The following METTL22 variants were observed in gnomAD, a reference collection of about 807,000 sequenced individuals.
METTL22 encodes the protein methyltransferase 22, Kin17 lysine.
METTL22 carries 51 observed loss-of-function variants against 48.4 expected under a neutral mutation model. The observed-to-expected ratio is 1.05, with a 90% CI of 0.84 to 1.33. METTL22 has a LOEUF of 1.33. Among genes scored for constraint, METTL22 ranks in the 40% most tolerant of loss-of-function variants. The probability of loss-of-function intolerance (pLI) is 0.00; values close to 1 mark genes in which losing one functional copy is unlikely to be tolerated. For missense variants in METTL22, 678 were observed against 526.9 expected (o/e 1.29, Z -2.81); for synonymous variants, 255 against 214.1 (o/e 1.19, Z -1.67).
chr16:8,640,961 G>GCTGT (rs2056593764), intron 6 of METTL22, among the ~76,000 whole-genome samples, 170 bp from the exon 7 acceptor site: 1 of 94,180 alleles, frequency 1.1e-5, no homozygotes, highest in Non-Finnish European at 2.4e-5. Flanking sequence ...TGGATGGCTG[G>GCTGT]CTGGCTGGCT....
the METTL22 span, among the ~76,000 whole-genome samples, chr16:8,655,260 A>G: frequency 6.6e-6 from 1 of 152,216 alleles, no homozygotes; most frequent in Non-Finnish European, 1.5e-5. Context: ...CTGTGGTCTC[A>G]TCTGAAGGTT....
intron 6 of METTL22, among the ~76,000 whole-genome samples, chr16:8,639,862 C>G (rs1226176764): frequency 6.6e-6 from 1 of 152,098 alleles, no homozygotes; most frequent in Non-Finnish European, 1.5e-5. Context: ...TCTTGGGGAT[C>G]TGGCCCCTGT....
At chr16:8,660,851 GA>G in the METTL22 span, among the ~76,000 whole-genome samples, 1 of 20,176 alleles carries the variant, frequency 5.0e-5, no homozygotes. Context: ...GGAGGAGGGG[GA>G]GGAGGAAGAG....
At chr16:8,661,514 C>T in the METTL22 span, among the ~76,000 whole-genome samples, 7 of 141,118 alleles carry the variant, frequency 5.0e-5, no homozygotes, top group Non-Finnish European at 6.2e-5. Flanking sequence ...GGCGTGGTGG[C>T]GGGCGCCTGT....
the METTL22 span, among the ~76,000 whole-genome samples, chr16:8,664,490 G>A: frequency 6.6e-6 from 1 of 151,668 alleles, no homozygotes; most frequent in South Asian, 2.1e-4. Context: ...GTCTTGCTCT[G>A]CCACCCAGCC....
intron 9 of METTL22, chr16:8,642,794 G>A: frequency 1.7e-6 from 1 of 594,880 alleles, no homozygotes; most frequent in Non-Finnish European, 3.0e-6. Context: ...AAGAGAGGAA[G>A]GCTGGGAAGC....
At chr16:8,630,019 C>G (rs1374686957) in intron 3 of METTL22, among the ~76,000 whole-genome samples, 1 of 12,896 alleles carries the variant, frequency 7.8e-5, no homozygotes, top group African/African-American at 1.9e-4. Context: ...CTCCCCCTGG[C>G]GCTGCTCATT....
intron 3 of METTL22, among the ~76,000 whole-genome samples, chr16:8,632,309 C>G (rs2056290701): frequency 6.6e-6 from 1 of 152,144 alleles, no homozygotes; most frequent in Non-Finnish European, 1.5e-5. Context: ...GAAAGCACAT[C>G]TTAGATCAGT....
chr16:8,623,015 A>G (rs1378964176), intron 1 of METTL22, among the ~76,000 whole-genome samples: 3 of 152,192 alleles, frequency 2.0e-5, no homozygotes, highest in African/African-American at 7.2e-5. Flanking sequence ...TAAGTTTTCC[A>G]ACAAAATTGC....
chr16:8,643,112 C>G (rs573913976), intron 9 of METTL22, among the ~76,000 whole-genome samples: 1 of 152,270 alleles, frequency 6.6e-6, no homozygotes, highest in African/African-American at 2.4e-5. Context: ...AACAGTAGTC[C>G]ACAGCTTTTC....
downstream of METTL22, among the ~76,000 whole-genome samples, chr16:8,651,280 G>A (rs986012039): frequency 1.9e-4 from 29 of 149,564 alleles, no homozygotes; most frequent in African/African-American, 5.2e-4. Flanking sequence ...CCAGCTATTC[G>A]GGAGGCTAAG....
At chr16:8,631,874 AG>A (rs2056275126) in intron 3 of METTL22, 2 of 152,176 alleles carry the variant, frequency 1.3e-5, no homozygotes, top group African/African-American at 4.8e-5. Flanking sequence ...CTGGGTAGGG[AG>A]GTCCCTAAGT....
At chr16:8,642,081 A>C in intron 7 of METTL22, 46 bp from the exon 8 acceptor site, 1 of 1,460,158 alleles carries the variant, frequency 6.8e-7, no homozygotes, top group Non-Finnish European at 9.6e-7. Context: ...GTTGGTGGCC[A>C]GGAGAGAAGG....
At chr16:8,644,436 C>CA in intron 9 of METTL22, 121 bp from the exon 10 acceptor site, 1 of 974,806 alleles carries the variant, frequency 1.0e-6, no homozygotes, top group Non-Finnish European at 1.5e-6. Context: ...GACAGGCGCT[C>CA]AGTAAAAGCC....
intron 3 of METTL22, among the ~76,000 whole-genome samples, chr16:8,633,268 TG>T (rs1376118546): frequency 6.6e-6 from 1 of 152,072 alleles, no homozygotes; most frequent in African/African-American, 2.4e-5. Context: ...GTCCCTGGCA[TG>T]GTTCAGATTC....
the METTL22 span, among the ~76,000 whole-genome samples, chr16:8,661,852 C>G: frequency 6.9e-6 from 1 of 144,830 alleles, no homozygotes; most frequent in Non-Finnish European, 1.5e-5. Flanking sequence ...GAATTACAGG[C>G]ATGAGCCACT....
chr16:8,633,548 G>T (rs2056329883), intron 3 of METTL22, among the ~76,000 whole-genome samples: 1 of 152,260 alleles, frequency 6.6e-6, no homozygotes. Context: ...GGAGGCTGCA[G>T]TGAGCCTTGG....
chr16:8,626,045 G>T lies in METTL22; in HGVS notation c.133+247G>T, dbSNP rs138922867. On this transcript the variant is annotated intron_variant, in intron 2 of 10. Coordinates refer to ENST00000381920, the MANE Select transcript of METTL22 (RefSeq NM_024109.4). ...ACAATCTCACTCTGTCACCCAGTCT[G>T]GAGTGCAGTGGCACAGTCATGGCTC... Among the ~76,000 whole-genome samples the T allele has an allele frequency of 9.3e-3, 1,417 of 152,220 alleles. 28 individuals are homozygous for T. Among genetic ancestry groups the T allele is most frequent in the African/African-American group, 0.032 (1,326 of 41,506 alleles).
rs757996329 is a variant in METTL22 at position 8,646,569 on chromosome 16, G to A, written c.*426G>A. On this transcript the variant is annotated 3_prime_UTR_variant, in exon 11 of 11. Coordinates refer to ENST00000381920, the MANE Select transcript of METTL22 (RefSeq NM_024109.4). ...CAGTATTGCCATCATATTGCCGCTC[G>A]GCACAAAAGCCTCATTTCCTCCCAG... The A allele has an allele frequency of 4.5e-5, 21 of 467,602 alleles. No homozygotes were observed. Among genetic ancestry groups the A allele is most frequent in the East Asian group, 6.7e-5 (1 of 14,938 alleles). The allele number at this position is 467,602 out of a possible 1,614,324, so 29.0% of individuals were successfully genotyped here.
Sources: allele counts gnomAD v4.1 joint callset (sites outside exome capture counted in the v4.1 genomes callset), GRCh38; gene constraint gnomAD v4.1.1; transcripts MANE v1.5; gene names NCBI Gene and HGNC (gene_info 2026-07-23, HGNC 2026-07-21).